The following BCAT1 variants were observed in gnomAD, a reference collection of about 807,000 sequenced individuals.
The protein encoded by BCAT1 is branched chain amino acid transaminase 1.
BCAT1 carries 48 observed loss-of-function variants against 52.4 expected under a neutral mutation model. That is an observed-to-expected ratio of 0.92 (90% CI 0.73 to 1.16). The LOEUF (loss-of-function observed/expected upper bound fraction) is 1.16. Ranked by LOEUF, BCAT1 falls within the 50% of genes most tolerant of loss-of-function variation. BCAT1 has a pLI of 0.00. For missense variants in BCAT1, 451 were observed against 457.1 expected (o/e 0.99, Z 0.12); for synonymous variants, 167 against 161.3 (o/e 1.04, Z -0.27).
At chr12:24,919,761 G>A (rs1266164113) in intron 1 of BCAT1, among the ~76,000 whole-genome samples, 1 of 152,198 alleles carries the variant, frequency 6.6e-6, no homozygotes, top group Non-Finnish European at 1.5e-5. Context: ...ATCTTGAATT[G>A]TAGCTCCACG....
At chr12:24,827,707 A>G (rs574250675) in intron 10 of BCAT1, among the ~76,000 whole-genome samples, 1 of 152,272 alleles carries the variant, frequency 6.6e-6, no homozygotes, top group African/African-American at 2.4e-5. Context: ...CACAAGAATC[A>G]CTTGAACCCA....
chr12:24,878,530 C>T lies in BCAT1; in HGVS notation c.510G>A (p.Glu170=). The stretch of plus-strand genomic sequence containing the variant: ...CCCAAAATAAAGAGTCAGTTTGCAC[C>T]TCAGTTCCAATGAATGTAGGACGAA... The part of the protein sequence containing the change: ...LYIRPTFIGT[E]PSLGVKKPTK... The change falls in exon 5 of 11, where the codon GAG becomes GAA. Residue 170 remains glutamate (E), a splice_region_variant and synonymous_variant. Coordinates refer to ENST00000261192, the MANE Select transcript of BCAT1 (RefSeq NM_005504.7). 1 of 1,605,186 alleles carries T rather than the reference C, an allele frequency of 6.2e-7. No homozygotes were observed. The highest frequency in any genetic ancestry group is 2.2e-5 in the East Asian group (1 of 44,742).
rs369140643 is a variant in BCAT1, at chr12:24,927,934, A to G, written c.6+20993T>C. Among the ~76,000 whole-genome samples, 9 of 152,286 alleles carry G rather than the reference A, an allele frequency of 5.9e-5. No individual in the cohort carries two copies. The East Asian group carries it at 1.5e-3, about 26-fold the overall frequency. On this transcript the variant is annotated intron_variant, in intron 1 of 10. Transcript: ENST00000261192. ...CACTGATCCTATTGAGTTTCCAGTCACTTTTAAGTATTAGGAAAATCTTGC... is the reference window on the plus strand; with the variant it reads ...CACTGATCCTATTGAGTTTCCAGTCGCTTTTAAGTATTAGGAAAATCTTGC...
chr12:24,947,441 T>C (rs1943947758), intron 1 of BCAT1, among the ~76,000 whole-genome samples: 1 of 152,188 alleles, frequency 6.6e-6, no homozygotes, highest in African/African-American at 2.4e-5. Context: ...CAAGATGCCA[T>C]GTGCAAATAA....
intron 3 of BCAT1, among the ~76,000 whole-genome samples, chr12:24,885,877 C>A (rs888917565): frequency 6.6e-6 from 1 of 152,114 alleles, no homozygotes; most frequent in African/African-American, 2.4e-5. Context: ...AAATCAACTT[C>A]TAGGATTAAA....
chr12:24,946,579 CAGTT>C (rs1487578769), intron 1 of BCAT1, among the ~76,000 whole-genome samples: 2 of 152,134 alleles, frequency 1.3e-5, no homozygotes, highest in African/African-American at 4.8e-5. Flanking sequence ...ATGAGTGAGG[CAGTT>C]AGTCAGGAAC....
At position 24,849,866 on chromosome 12, in the gene BCAT1, G is replaced by C. The variant is rs1941453901; in HGVS notation, c.594C>G (p.Thr198=). 6.2e-7 allele frequency: 1 copy of C among 1,613,704 alleles called. No individual in the cohort carries two copies. The highest frequency in any genetic ancestry group is 8.5e-7 in the Non-Finnish European group (1 of 1,179,812). The change falls in exon 6 of 11, where the codon ACC becomes ACG. Residue 198 remains threonine, a synonymous_variant. Transcript: ENST00000261192. ...TGGCCCACAGGGACACTGGATTAAA[G>C]GTTCCACTTGAAAAATAAGGTCCCA... ...SPVGPYFSSG[T]FNPVSLWANP...
chr12:24,939,530 G>A (rs1487340875), intron 1 of BCAT1, among the ~76,000 whole-genome samples: 1 of 152,238 alleles, frequency 6.6e-6, no homozygotes, highest in Middle Eastern at 3.4e-3. Context: ...ATATGTTACT[G>A]GTCTTAACTA....
At chr12:24,904,392 C>G (rs1322020619) in intron 1 of BCAT1, 1 of 152,434 alleles carries the variant, frequency 6.6e-6, no homozygotes, top group African/African-American at 2.4e-5. Flanking sequence ...TTGTAGAGAC[C>G]GGGTTTTGCT....
chr12:24,882,546 C>T (rs971885261), intron 3 of BCAT1, among the ~76,000 whole-genome samples: 3 of 151,398 alleles, frequency 2.0e-5, no homozygotes, highest in African/African-American at 7.3e-5. Context: ...ATATCTGAAT[C>T]AAAAAGACAG....
intron 3 of BCAT1, among the ~76,000 whole-genome samples, chr12:24,881,615 A>T (rs148417535): frequency 6.6e-6 from 1 of 152,222 alleles, no homozygotes; most frequent in Non-Finnish European, 1.5e-5. Context: ...AAGTTATTTT[A>T]TTATCAGAAT....
chr12:24,879,865 T>C (rs1942445624), intron 4 of BCAT1, among the ~76,000 whole-genome samples: 4 of 152,216 alleles, frequency 2.6e-5, no homozygotes, highest in South Asian at 2.1e-4. Flanking sequence ...ATTACACAGA[T>C]AAGGAATGTG....
chr12:24,872,108 T>G (rs953224285), intron 5 of BCAT1, among the ~76,000 whole-genome samples: 1 of 152,062 alleles, frequency 6.6e-6, no homozygotes, highest in African/African-American at 2.4e-5. Flanking sequence ...AATTGTAAAG[T>G]AAAGGAAAAA....
intron 7 of BCAT1, among the ~76,000 whole-genome samples, chr12:24,841,070 TA>T (rs895469764): frequency 9.3e-5 from 14 of 150,774 alleles, no homozygotes; most frequent in African/African-American, 2.2e-4. Context: ...TGCCAACTAA[TA>T]AAAAAAAACA....
intron 6 of BCAT1, among the ~76,000 whole-genome samples, chr12:24,843,533 G>T (rs1448889616): frequency 3.9e-5 from 6 of 152,086 alleles, no homozygotes; most frequent in Non-Finnish European, 8.8e-5. Context: ...AACTCGGGAG[G>T]CAAAAGTTGC....
chr12:24,817,942 C>T lies in BCAT1; in HGVS notation c.*66G>A, dbSNP rs1939941879. 2 of 1,529,540 alleles carry T rather than the reference C, an allele frequency of 1.3e-6. No homozygotes were observed. The highest frequency in any genetic ancestry group is 1.8e-6 in the Non-Finnish European group (2 of 1,106,414). 94.7% of individuals were successfully genotyped at this position (1,529,540 alleles called of 1,614,324 possible). On this transcript the variant is annotated 3_prime_UTR_variant, in exon 11 of 11. Coordinates refer to ENST00000261192, the MANE Select transcript of BCAT1 (RefSeq NM_005504.7). ...AAAGAAATCTATCACAATTCAAATG[C>T]AACAGTCTGTCCCAGTAGCATACAG...
At chr12:24,947,851 G>A (rs1391992064) in intron 1 of BCAT1, among the ~76,000 whole-genome samples, 1 of 152,230 alleles carries the variant, frequency 6.6e-6, no homozygotes, top group Non-Finnish European at 1.5e-5. Context: ...GCATGAGGAA[G>A]CCAGAAATAG....
At chr12:24,870,436 C>T (rs7138654) in intron 5 of BCAT1, among the ~76,000 whole-genome samples, 70,032 of 152,040 alleles carry the variant, frequency 0.46, 16,628 homozygotes, top group East Asian at 0.63. Context: ...AGAACTTAGT[C>T]GCCCCCATTG....
At chr12:24,934,379 G>A (rs529243334) in intron 1 of BCAT1, among the ~76,000 whole-genome samples, 5 of 152,230 alleles carry the variant, frequency 3.3e-5, no homozygotes, top group Non-Finnish European at 5.9e-5. Context: ...AAATCACCCA[G>A]TCTCAGGTAG....
Sources: gnomAD v4.1 joint callset for allele counts (sites outside exome capture counted in the v4.1 genomes callset) on GRCh38, gnomAD v4.1.1 for gene constraint, MANE v1.5 for transcripts, NCBI Gene and HGNC (gene_info 2026-07-23, HGNC 2026-07-21) for gene names.